The following MTA3 variants were observed in gnomAD, a reference collection of about 807,000 sequenced individuals.
The protein encoded by MTA3 is metastasis-associated protein MTA3.
A neutral mutation model predicts 83.5 loss-of-function variants in MTA3; 34 were observed. That is an observed-to-expected ratio of 0.41 (90% CI 0.31 to 0.54). MTA3 has a LOEUF of 0.54. Among genes scored for constraint, MTA3 ranks in the 20% least tolerant of loss-of-function variants. The pLI, the probability that MTA3 is intolerant of heterozygous loss-of-function variation, is 0.33. For synonymous variants in MTA3, 303 were observed against 252.7 expected, an observed-to-expected ratio of 1.20 and a Z score of -1.89; for missense variants, 761 against 726.4, an observed-to-expected ratio of 1.05 and a Z score of -0.55.
At chr2:42,608,953 AT>A (rs1327014747) in intron 3 of MTA3, among the ~76,000 whole-genome samples, 1 of 151,558 alleles carries the variant, frequency 6.6e-6, no homozygotes, top group East Asian at 1.9e-4. Context: ...ACCATCTGCC[AT>A]TTTTAAGTTG....
intron 9 of MTA3, among the ~76,000 whole-genome samples, chr2:42,688,336 G>C (rs77582153): frequency 6.6e-6 from 1 of 152,084 alleles, no homozygotes; most frequent in Non-Finnish European, 1.5e-5. Context: ...CTCTTGCCTT[G>C]ACCTCCCAAG....
chr2:42,645,052 T>C (rs1020863256), intron 6 of MTA3, among the ~76,000 whole-genome samples: 5 of 151,838 alleles, frequency 3.3e-5, no homozygotes, highest in South Asian at 4.1e-4. Context: ...GAAGCCAAGA[T>C]AGGCTAAAAG....
intron 2 of MTA3, among the ~76,000 whole-genome samples, chr2:42,556,144 G>A (rs1046514056): frequency 4.6e-5 from 7 of 150,646 alleles, no homozygotes. Context: ...GCTCCCTGGG[G>A]AAAAAAAAAG....
chr2:42,647,665 G>A (rs929872266), intron 6 of MTA3, among the ~76,000 whole-genome samples: 2 of 152,050 alleles, frequency 1.3e-5, no homozygotes, highest in Non-Finnish European at 2.9e-5. Context: ...TCTTTGTTAA[G>A]TATTCATCTC....
At chr2:42,607,482 C>T (rs189107377) in intron 3 of MTA3, among the ~76,000 whole-genome samples, 2 of 152,204 alleles carry the variant, frequency 1.3e-5, no homozygotes, top group Non-Finnish European at 2.9e-5. Context: ...TGGGCTCAAG[C>T]GATCCTCCTA....
intron 2 of MTA3, among the ~76,000 whole-genome samples, chr2:42,525,349 A>G (rs1035290604): frequency 6.6e-6 from 1 of 151,812 alleles, no homozygotes; most frequent in Non-Finnish European, 1.5e-5. Flanking sequence ...ACAGGCACTT[A>G]CCACCATGCC....
At chr2:42,594,455 C>G (rs1222952241) in intron 3 of MTA3, among the ~76,000 whole-genome samples, 1 of 150,322 alleles carries the variant, frequency 6.7e-6, no homozygotes, top group African/African-American at 2.4e-5. Flanking sequence ...CCAGGCTGGT[C>G]TCAAACTCCT....
chr2:42,714,137 T>A (rs1277936859), intron 14 of MTA3, among the ~76,000 whole-genome samples: 1 of 152,248 alleles, frequency 6.6e-6, no homozygotes, highest in Non-Finnish European at 1.5e-5. Context: ...CTTGCATTTC[T>A]CATTTTGAAT....
chr2:42,520,723 A>T (rs1310922858), intron 2 of MTA3, among the ~76,000 whole-genome samples: 1 of 151,634 alleles, frequency 6.6e-6, no homozygotes, highest in Non-Finnish European at 1.5e-5. Context: ...GCACCACCAC[A>T]CCGGGCTAAT....
At position 42,700,759 on chromosome 2, in the gene MTA3, G is replaced by A. The variant is rs61084826; in HGVS notation, c.1025+2925G>A. Among the ~76,000 whole-genome samples, 1,507 of 152,318 alleles carry A rather than the reference G, an allele frequency of 9.9e-3. 22 individuals carry two copies. The highest frequency in any genetic ancestry group is 0.034 in the African/African-American group (1,397 of 41,560). On this transcript the variant is annotated intron_variant, in intron 11 of 16. Coordinates refer to ENST00000405094, the MANE Select transcript of MTA3 (RefSeq NM_001330442.2). Reference sequence around the variant, plus strand: ...AAATCGCCACTTTTCACTTAGTATAGTGTCAGCTGAAAACCGTAAGAAGAG... The same window carrying A: ...AAATCGCCACTTTTCACTTAGTATAATGTCAGCTGAAAACCGTAAGAAGAG...
chr2:42,610,908 G>T (rs1684114713), intron 4 of MTA3, among the ~76,000 whole-genome samples: 1 of 151,204 alleles, frequency 6.6e-6, no homozygotes, highest in Non-Finnish European at 1.5e-5. Flanking sequence ...TATTTCTTTT[G>T]TCCACCTCTG....
chr2:42,692,988 A>T (rs896276980), intron 9 of MTA3, among the ~76,000 whole-genome samples: 1 of 152,202 alleles, frequency 6.6e-6, no homozygotes, highest in South Asian at 2.1e-4. Context: ...TGCAGACTCA[A>T]AGTACTCCCT....
At chr2:42,656,394 T>C in intron 7 of MTA3, 92 bp downstream of exon 7, 1 of 675,034 alleles carries the variant, frequency 1.5e-6, no homozygotes, top group Non-Finnish European at 2.3e-6. Flanking sequence ...GTATTCTGCT[T>C]TTCTCCCACT....
chr2:42,753,915 C>A lies in MTA3; in HGVS notation c.*516C>A. 1 of 985,666 alleles carries A rather than the reference C, an allele frequency of 1.0e-6. No homozygotes were observed. Among genetic ancestry groups the A allele is most frequent in the Non-Finnish European group, 1.2e-6 (1 of 830,210 alleles). 61.1% of individuals were successfully genotyped at this position (985,666 alleles called of 1,614,324 possible). A position where few individuals can be genotyped will look rare whatever the true frequency, so the allele number is the denominator to read the frequency against. On this transcript the variant is annotated 3_prime_UTR_variant, in exon 17 of 17. Transcript: ENST00000405094. The stretch of plus-strand genomic sequence containing the variant: ...AGGTATTTCCCTGTCCTTGCTGTTA[C>A]CGTCACTCAGCTTTTTCTCGATAGG...
intron 4 of MTA3, among the ~76,000 whole-genome samples, chr2:42,639,361 A>C (rs182822757): frequency 1.2e-3 from 185 of 152,286 alleles, no homozygotes; most frequent in African/African-American, 4.3e-3. Flanking sequence ...AGCCCTGACC[A>C]GTATTTGTAA....
chr2:42,631,866 T>A (rs992483196), intron 4 of MTA3, among the ~76,000 whole-genome samples: 4 of 151,624 alleles, frequency 2.6e-5, no homozygotes, highest in African/African-American at 9.7e-5. Context: ...GTTTTTTTAT[T>A]TGTCATAGCG....
chr2:42,692,255 ACT>A (rs1692964055), intron 9 of MTA3, among the ~76,000 whole-genome samples: 1 of 151,718 alleles, frequency 6.6e-6, no homozygotes, highest in African/African-American at 2.4e-5. Context: ...CTATTAAGTG[ACT>A]CTGATGCATT....
chr2:42,615,520 TA>T (rs1684758015), intron 4 of MTA3, among the ~76,000 whole-genome samples: 2 of 151,588 alleles, frequency 1.3e-5, no homozygotes, highest in African/African-American at 2.4e-5. Context: ...CGTGCTCAGC[TA>T]ATTTTTGTAT....
intron 2 of MTA3, among the ~76,000 whole-genome samples, chr2:42,519,188 G>A (rs1221391145): frequency 6.6e-6 from 1 of 151,924 alleles, no homozygotes; most frequent in East Asian, 1.9e-4. Flanking sequence ...TTGCCTCTGT[G>A]GTCTTCCCCC....
Sources: allele counts gnomAD v4.1 joint callset (sites outside exome capture counted in the v4.1 genomes callset), GRCh38; gene constraint gnomAD v4.1.1; transcripts MANE v1.5; gene names NCBI Gene and HGNC (gene_info 2026-07-23, HGNC 2026-07-21).